Variants in RIT2 observed in about 807,000 individuals in gnomAD.
The protein encoded by RIT2 is GTP-binding protein Rit2.
In RIT2, 24 loss-of-function variants were observed where a neutral mutation model predicts 23.7. That is an observed-to-expected ratio of 1.01 (90% CI 0.73 to 1.43). The LOEUF (loss-of-function observed/expected upper bound fraction) is 1.43. Among genes scored for constraint, RIT2 ranks in the 40% most tolerant of loss-of-function variants. RIT2 has a pLI of 0.00. For missense variants in RIT2, 236 were observed against 266.9 expected (o/e 0.88, Z 0.81); for synonymous variants, 107 against 91.1 (o/e 1.17, Z -0.99).
intron 3 of RIT2, among the ~76,000 whole-genome samples, chr18:42,934,453 G>A (rs557806436): frequency 6.6e-6 from 1 of 152,280 alleles, no homozygotes; most frequent in East Asian, 1.9e-4. Context: ...GGGGATAATG[G>A]AGAATGATGA....
chr18:42,787,102 T>C (rs1258424095), intron 4 of RIT2, among the ~76,000 whole-genome samples: 1 of 150,880 alleles, frequency 6.6e-6, no homozygotes, highest in East Asian at 2.0e-4. Flanking sequence ...ATATAATAGG[T>C]ATATCTCCTA....
intron 4 of RIT2, among the ~76,000 whole-genome samples, chr18:42,810,467 C>A (rs1393879076): frequency 1.3e-5 from 2 of 151,384 alleles, no homozygotes; most frequent in East Asian, 3.9e-4. Flanking sequence ...TCCTGAAGAG[C>A]TTCATTATAC....
chr18:42,987,184 G>C (rs112948600), intron 2 of RIT2, among the ~76,000 whole-genome samples: 1 of 152,096 alleles, frequency 6.6e-6, no homozygotes, highest in Non-Finnish European at 1.5e-5. Context: ...ATGTGTGTGC[G>C]TACGTATACA....
At position 42,973,767 on chromosome 18, in the gene RIT2, T is replaced by G. The variant is rs190697255; in HGVS notation, c.234+307A>C. On this transcript the variant is annotated intron_variant, in intron 3 of 4. Coordinates refer to ENST00000326695, the MANE Select transcript of RIT2 (RefSeq NM_002930.4). ...TCACCTAAAATTCTCTAATAGAAAT[T>G]ATCACATTAGGATCTATGTCAGAGT... Among the ~76,000 whole-genome samples the G allele has an allele frequency of 2.0e-3, 309 of 151,978 alleles. 1 individual carries two copies. The highest frequency in any genetic ancestry group is 2.7e-3 in the Non-Finnish European group (184 of 67,914).
Position 42,923,689 on chromosome 18 carries a change from G to T in RIT2, c.309C>A (p.Asp103Glu). ...EGFIICYSVT[D>E]RQSFQEAAKF... ...TGGCAGCCTCCTGAAATGATTGACG[G>T]TCAGTGACGGAGTAGCAGATGATGA... The change falls in exon 4 of 5, where the codon GAC (aspartate) becomes GAA (glutamate). Residue 103 changes from aspartate to glutamate, a missense_variant. Asp to Glu is a conservative substitution (Grantham distance 45, BLOSUM62 2). Coordinates refer to ENST00000326695, the MANE Select transcript of RIT2 (RefSeq NM_002930.4). 6.2e-7 allele frequency: 1 copy of T among 1,613,096 alleles called. No individual in the cohort carries two copies. Among genetic ancestry groups the T allele is most frequent in the Non-Finnish European group, 8.5e-7 (1 of 1,179,616 alleles).
At chr18:42,942,295 C>T (rs535037322) in intron 3 of RIT2, among the ~76,000 whole-genome samples, 8 of 152,218 alleles carry the variant, frequency 5.3e-5, no homozygotes, top group African/African-American at 1.9e-4. Context: ...ACTTCTATAA[C>T]TTTCAAATTA....
At position 42,937,430 on chromosome 18, in the gene RIT2, T is replaced by C. The variant is rs114985089; in HGVS notation, c.235-13667A>G. Among the ~76,000 whole-genome samples the C allele has an allele frequency of 6.5e-3, 989 of 152,278 alleles. 10 individuals are homozygous for C. The highest frequency in any genetic ancestry group is 0.022 in the African/African-American group (907 of 41,556). ...TATTATCCAAGTGATTCAAAAATTA[T>C]TTTTATGCTACTTGAACCTCAGAGG... On this transcript the variant is annotated intron_variant, in intron 3 of 4. Transcript: ENST00000326695.
intron 2 of RIT2, among the ~76,000 whole-genome samples, chr18:43,017,183 A>G (rs1213431472): frequency 1.3e-5 from 2 of 151,994 alleles, no homozygotes; most frequent in African/African-American, 4.8e-5. Context: ...AAAAATGATA[A>G]TTACACAAAT....
intron 2 of RIT2, among the ~76,000 whole-genome samples, chr18:43,000,502 G>A (rs1339231816): frequency 5.3e-5 from 8 of 151,952 alleles, no homozygotes; most frequent in Non-Finnish European, 1.0e-4. Context: ...ATTCAAAATA[G>A]CAGTTATGAT....
At chr18:43,071,100 G>A (rs888501511) in intron 1 of RIT2, among the ~76,000 whole-genome samples, 18 of 152,188 alleles carry the variant, frequency 1.2e-4, no homozygotes, top group Non-Finnish European at 2.9e-5. Flanking sequence ...CCATCTCAGT[G>A]ATATAAATCT....
chr18:42,905,936 G>A (rs1453326757), intron 4 of RIT2, among the ~76,000 whole-genome samples: 1 of 147,566 alleles, frequency 6.8e-6, no homozygotes, highest in Non-Finnish European at 1.5e-5. Context: ...TATAAGCAAT[G>A]TTTTCCCATT....
At chr18:42,772,231 A>G (rs946174084) in intron 4 of RIT2, among the ~76,000 whole-genome samples, 15 of 152,148 alleles carry the variant, frequency 9.9e-5, no homozygotes, top group Non-Finnish European at 2.1e-4. Context: ...CTCTTCCTTC[A>G]GAATTTCTCC....
chr18:42,905,446 C>A (rs1024705709), intron 4 of RIT2, among the ~76,000 whole-genome samples: 2 of 152,076 alleles, frequency 1.3e-5, no homozygotes, highest in Non-Finnish European at 2.9e-5. Flanking sequence ...AGTATACATG[C>A]TTTTTAAGAA....
intron 1 of RIT2, among the ~76,000 whole-genome samples, chr18:43,115,167 C>T (rs916981253): frequency 1.4e-4 from 22 of 152,048 alleles, no homozygotes; most frequent in African/African-American, 5.1e-4. Context: ...AAATATCACC[C>T]AGCATGAAAT....
At chr18:42,849,914 T>A (rs1907005134) in intron 4 of RIT2, among the ~76,000 whole-genome samples, 1 of 152,190 alleles carries the variant, frequency 6.6e-6, no homozygotes, top group South Asian at 2.1e-4. Flanking sequence ...TTTTCTCATC[T>A]ATATAATTAG....
intron 4 of RIT2, among the ~76,000 whole-genome samples, chr18:42,866,417 G>T (rs1193486739): frequency 6.6e-6 from 1 of 152,024 alleles, no homozygotes. Flanking sequence ...AGAAAAGATT[G>T]TATTTCTCCT....
At chr18:42,969,269 T>C (rs755874827) in intron 3 of RIT2, among the ~76,000 whole-genome samples, 2 of 152,150 alleles carry the variant, frequency 1.3e-5, no homozygotes, top group Non-Finnish European at 2.9e-5. Context: ...AAACCATTTA[T>C]AGAATAATAG....
At chr18:43,093,911 A>G (rs1335595736) in intron 1 of RIT2, among the ~76,000 whole-genome samples, 1 of 152,072 alleles carries the variant, frequency 6.6e-6, no homozygotes, top group Non-Finnish European at 1.5e-5. Flanking sequence ...TTTGGATTGC[A>G]TAAGAAACAT....
At chr18:42,829,649 T>A (rs912650296) in intron 4 of RIT2, among the ~76,000 whole-genome samples, 3 of 152,112 alleles carry the variant, frequency 2.0e-5, no homozygotes, top group African/African-American at 7.2e-5. Context: ...CTATGTTTCT[T>A]AAAAGTCAGC....
Sources: allele counts gnomAD v4.1 joint callset (sites outside exome capture counted in the v4.1 genomes callset), GRCh38; gene constraint gnomAD v4.1.1; transcripts MANE v1.5; gene names NCBI Gene and HGNC (gene_info 2026-07-23, HGNC 2026-07-21).